Variants in LAMA2 observed in about 807,000 individuals in gnomAD.
LAMA2 encodes laminin subunit alpha-2.
In LAMA2, 269 loss-of-function variants were observed where a neutral mutation model predicts 364.8. The observed-to-expected ratio is 0.74, with a 90% CI of 0.67 to 0.82. LAMA2 has a LOEUF of 0.82. Among genes scored for constraint, LAMA2 ranks in the 40% least tolerant of loss-of-function variants. The pLI is 0.00. For missense variants in LAMA2, 3,807 were observed against 3,873.2 expected (o/e 0.98, Z 0.45); for synonymous variants, 1,379 against 1,370.6 (o/e 1.01, Z -0.14).
chr6:129,246,483 C>T (rs888910236), intron 12 of LAMA2, among the ~76,000 whole-genome samples: 42 of 152,100 alleles, frequency 2.8e-4, no homozygotes, highest in Non-Finnish European at 1.0e-4. Flanking sequence ...CACTGCAGCA[C>T]CCTGGGGCAC....
Position 129,465,280 on chromosome 6 carries a change from CA to C in LAMA2, c.7296del (p.Lys2432AsnfsTer8). 6.2e-7 allele frequency: 1 copy of C among 1,610,636 alleles called. No homozygotes were observed. The highest frequency in any genetic ancestry group is 8.5e-7 in the Non-Finnish European group (1 of 1,177,668). On this transcript the variant is annotated frameshift_variant, in exon 51 of 65. Coordinates refer to ENST00000421865, the MANE Select transcript of LAMA2 (RefSeq NM_000426.4). LOFTEE classifies it high-confidence loss of function. The part of the protein sequence containing the change: ...KWKSFTLSRI[Q>X]KQANISIVDI... ...GAAATCATTCACTCTGTCAAGAATTCAAAAACAAGGTGAGTTTTTACAGTAA... is the reference window on the plus strand; with the variant it reads ...GAAATCATTCACTCTGTCAAGAATTCAAAACAAGGTGAGTTTTTACAGTAA...
intron 22 of LAMA2, among the ~76,000 whole-genome samples, chr6:129,302,761 A>G (rs1209995465): frequency 6.6e-6 from 1 of 152,122 alleles, no homozygotes; most frequent in Non-Finnish European, 1.5e-5. Flanking sequence ...CTTTGTCAAA[A>G]TCTATCAACT....
At chr6:129,126,617 G>A (rs1414593204) in intron 4 of LAMA2, among the ~76,000 whole-genome samples, 2 of 151,896 alleles carry the variant, frequency 1.3e-5, no homozygotes, top group Non-Finnish European at 2.9e-5. Context: ...TACAAAGAAA[G>A]CCAGAATCAA....
At chr6:128,964,009 T>C (rs1156261452) in intron 1 of LAMA2, among the ~76,000 whole-genome samples, 1 of 152,144 alleles carries the variant, frequency 6.6e-6, no homozygotes, top group Non-Finnish European at 1.5e-5. Context: ...TCTTTGAATA[T>C]GCTGATCGCC....
chr6:128,890,849 C>A (rs975213125), intron 1 of LAMA2, among the ~76,000 whole-genome samples: 2 of 151,960 alleles, frequency 1.3e-5, no homozygotes, highest in Admixed American at 1.3e-4. Context: ...GAACAAGAAC[C>A]AAACAGATAT....
At chr6:128,960,343 C>CTTTTTTTTTTTTTTT (rs35955136) in intron 1 of LAMA2, among the ~76,000 whole-genome samples, 1 of 112,012 alleles carries the variant, frequency 8.9e-6, no homozygotes. Context: ...TTTTTTTTTC[C>CTTTTTTTTTTTTTTT]TTTTTTTTTT....
rs868104774 is a variant in LAMA2 at position 129,503,412 on chromosome 6, C to T, written c.8547+132C>T. 11 of 808,114 alleles carry T rather than the reference C, an allele frequency of 1.4e-5. No individual in the cohort carries two copies. In the Middle Eastern group the frequency reaches 2.4e-3, roughly 178 times the overall value. 50.1% of individuals were successfully genotyped at this position (808,114 alleles called of 1,614,324 possible). On this transcript the variant is annotated intron_variant, in intron 60 of 64. Coordinates refer to ENST00000421865, the MANE Select transcript of LAMA2 (RefSeq NM_000426.4). ...GCAGAAGCTAAAAATAAAATAAGTG[C>T]CATATACAACTACCACAATCTTGGA...
At chr6:128,945,756 C>T (rs1780445649) in intron 1 of LAMA2, among the ~76,000 whole-genome samples, 1 of 152,194 alleles carries the variant, frequency 6.6e-6, no homozygotes, top group Non-Finnish European at 1.5e-5. Context: ...CTGGGGTACA[C>T]ATCCTATATG....
intron 1 of LAMA2, among the ~76,000 whole-genome samples, chr6:128,965,123 GA>G (rs923935401): frequency 1.3e-5 from 2 of 151,938 alleles, no homozygotes; most frequent in East Asian, 1.9e-4. Flanking sequence ...TTTAAATCAT[GA>G]AAAAAATATA....
chr6:128,984,812 T>A (rs553650327), intron 1 of LAMA2, among the ~76,000 whole-genome samples: 1 of 152,180 alleles, frequency 6.6e-6, no homozygotes, highest in Non-Finnish European at 1.5e-5. Context: ...GAGTGTCAGC[T>A]ACTGTGTTTT....
chr6:129,244,768 T>A lies in LAMA2; in HGVS notation c.1783-5344T>A, dbSNP rs1335850044. Among the ~76,000 whole-genome samples, 3 of 152,148 alleles carry A rather than the reference T, an allele frequency of 2.0e-5. No individual in the cohort carries two copies. The East Asian group carries it at 5.8e-4, about 29-fold the overall frequency. On this transcript the variant is annotated intron_variant, in intron 12 of 64. Coordinates refer to ENST00000421865, the MANE Select transcript of LAMA2 (RefSeq NM_000426.4). ...AGACCACAAGTAGCCTACTGCTAAA[T>A]TCTTTTATGAAGCTTAGTTTTATGA...
intron 2 of LAMA2, among the ~76,000 whole-genome samples, chr6:129,059,377 G>A (rs1788727948): frequency 6.6e-6 from 1 of 152,152 alleles, no homozygotes; most frequent in Non-Finnish European, 1.5e-5. Context: ...AGGATTTTAT[G>A]TTTCTGTTAA....
intron 1 of LAMA2, among the ~76,000 whole-genome samples, chr6:128,908,946 T>C (rs1315626294): frequency 6.8e-6 from 1 of 147,570 alleles, no homozygotes; most frequent in South Asian, 2.2e-4. Flanking sequence ...TTGAGCAGTT[T>C]TGAGTGAGAT....
chr6:129,331,781 A>G (rs1034709385), intron 29 of LAMA2, among the ~76,000 whole-genome samples: 1 of 151,878 alleles, frequency 6.6e-6, no homozygotes, highest in Non-Finnish European at 1.5e-5. Context: ...CTCTTCATCC[A>G]TTCTCCTTTG....
intron 1 of LAMA2, among the ~76,000 whole-genome samples, chr6:128,990,622 C>T (rs1283381919): frequency 6.6e-6 from 1 of 152,106 alleles, no homozygotes; most frequent in Non-Finnish European, 1.5e-5. Context: ...TGCCTTAAGC[C>T]AAGTACATGT....
In LAMA2 at chr6:128,954,472, TA is replaced by T. The variant is rs777365621; in HGVS notation, c.112+71123del. On this transcript the variant is annotated intron_variant, in intron 1 of 64. Coordinates refer to ENST00000421865, the MANE Select transcript of LAMA2 (RefSeq NM_000426.4). ...TGAGATTCTATTTTTTATAGCTCTTTAAAAAAAATACCTGCATCAGCAGACA... is the reference window on the plus strand; with the variant it reads ...TGAGATTCTATTTTTTATAGCTCTTTAAAAAAATACCTGCATCAGCAGACA... Among the ~76,000 whole-genome samples, 13 of 152,012 alleles carry T rather than the reference TA, an allele frequency of 8.6e-5. No homozygotes were observed. The East Asian group carries it at 9.6e-4, about 11-fold the overall frequency.
At chr6:129,228,105 C>T (rs1008039983) in intron 12 of LAMA2, among the ~76,000 whole-genome samples, 1 of 152,192 alleles carries the variant, frequency 6.6e-6, no homozygotes, top group African/African-American at 2.4e-5. Flanking sequence ...GAACAAGGCT[C>T]CGTAGGCATG....
chr6:128,985,741 A>T (rs1029830040), intron 1 of LAMA2, among the ~76,000 whole-genome samples: 1 of 152,158 alleles, frequency 6.6e-6, no homozygotes, highest in South Asian at 2.1e-4. Context: ...TTTTGAAGCA[A>T]ATCATCATAT....
At chr6:128,987,502 A>T (rs1213220463) in intron 1 of LAMA2, among the ~76,000 whole-genome samples, 1 of 152,100 alleles carries the variant, frequency 6.6e-6, no homozygotes, top group Non-Finnish European at 1.5e-5. Context: ...AATTTATTAG[A>T]TGTTGTCAAA....
Sources: allele counts gnomAD v4.1 joint callset (sites outside exome capture counted in the v4.1 genomes callset), GRCh38; gene constraint gnomAD v4.1.1; transcripts MANE v1.5; gene names NCBI Gene and HGNC (gene_info 2026-07-23, HGNC 2026-07-21).